The following ALCAM variants were observed in gnomAD, a reference collection of about 807,000 sequenced individuals.
ALCAM encodes the protein activated leukocyte cell adhesion molecule.
In ALCAM, 30 loss-of-function variants were observed where a neutral mutation model predicts 70.9. That is an observed-to-expected ratio of 0.42 (90% confidence interval 0.32 to 0.57). ALCAM has a LOEUF of 0.57. ALCAM is among the 20% of genes least tolerant of loss of function. The probability of loss-of-function intolerance (pLI) is 0.11; values close to 1 mark genes in which losing one functional copy is unlikely to be tolerated. For missense variants in ALCAM, 591 were observed against 695.1 expected, an observed-to-expected ratio of 0.85 and a Z score of 1.68; for synonymous variants, 249 against 242.5, an observed-to-expected ratio of 1.03 and a Z score of -0.25.
At chr3:105,367,667 G>A (rs1208046723) in intron 1 of ALCAM, among the ~76,000 whole-genome samples, 186 bp downstream of exon 1, 1 of 152,212 alleles carries the variant, frequency 6.6e-6, no homozygotes, top group Non-Finnish European at 1.5e-5. Flanking sequence ...GGCTTGGCTG[G>A]TTAGCTCAAG....
chr3:105,540,035 A>C lies in ALCAM; in HGVS notation c.791A>C (p.Asp264Ala). 6.2e-7 allele frequency: 1 copy of C among 1,612,636 alleles called. No individual in the cohort carries two copies. The highest frequency in any genetic ancestry group is 8.5e-7 in the Non-Finnish European group (1 of 1,178,960). Residue 264 changes from aspartate (D) to alanine (A), a missense_variant, in exon 7 of 16, where the codon GAT (aspartate) becomes GCT (alanine). Physicochemically the swap from Asp to Ala is moderately radical, Grantham distance 126. Transcript: ENST00000306107. The stretch of plus-strand genomic sequence containing the variant: ...CCAAAAAATGCCATCAAAGAAGGGG[A>C]TAACATCACTCTTAAATGCTTAGGG... ...LPPKNAIKEGDNITLKCLGNG... is the reference protein window; with the variant it reads ...LPPKNAIKEGANITLKCLGNG...
chr3:105,563,630 G>A (rs1940676102), intron 14 of ALCAM, among the ~76,000 whole-genome samples: 1 of 138,036 alleles, frequency 7.2e-6, no homozygotes, highest in Non-Finnish European at 1.5e-5. Context: ...CTTCCTTGAA[G>A]TCAAGTGACT....
rs572534620 is a variant in ALCAM at position 105,571,623 on chromosome 3, T to C, written c.1665-229T>C. On this transcript the variant is annotated intron_variant, in intron 14 of 15. Transcript: ENST00000306107. ...GTTGTATAGTCTGTTTTCAAAATAA[T>C]TGATTTTTTTTTCTCTTAGCATACA... Among the ~76,000 whole-genome samples the C allele has an allele frequency of 4.6e-5, 7 of 152,264 alleles. No individual in the cohort carries two copies. In the East Asian group the frequency reaches 1.2e-3, roughly 25 times the overall value.
At chr3:105,373,616 C>T (rs565347783) in intron 1 of ALCAM, among the ~76,000 whole-genome samples, 2 of 152,214 alleles carry the variant, frequency 1.3e-5, no homozygotes, top group South Asian at 2.1e-4. Flanking sequence ...TAACTTTTCC[C>T]TTTTCCTTTT....
chr3:105,448,588 C>T (rs1216606517), intron 1 of ALCAM, among the ~76,000 whole-genome samples: 1 of 152,164 alleles, frequency 6.6e-6, no homozygotes, highest in Non-Finnish European at 1.5e-5. Context: ...GACTTCTCTC[C>T]TGGAGAGCTT....
At chr3:105,421,074 A>G (rs527707770) in intron 1 of ALCAM, among the ~76,000 whole-genome samples, 1 of 151,616 alleles carries the variant, frequency 6.6e-6, no homozygotes, top group East Asian at 1.9e-4. Context: ...CTCAGGCAGT[A>G]CTTAAAGCAC....
intron 1 of ALCAM, among the ~76,000 whole-genome samples, chr3:105,436,876 G>A (rs914259293): frequency 6.6e-6 from 1 of 152,134 alleles, no homozygotes; most frequent in African/African-American, 2.4e-5. Context: ...ATTCCCAGAA[G>A]GGTGAATGAC....
intron 1 of ALCAM, among the ~76,000 whole-genome samples, chr3:105,405,917 C>T (rs1278561446): frequency 6.6e-6 from 1 of 152,008 alleles, no homozygotes; most frequent in Non-Finnish European, 1.5e-5. Context: ...TCTCACAGCC[C>T]CATAATGAGA....
At chr3:105,508,607 T>C (rs1939145494) in intron 1 of ALCAM, among the ~76,000 whole-genome samples, 1 of 152,192 alleles carries the variant, frequency 6.6e-6, no homozygotes, top group Non-Finnish European at 1.5e-5. Context: ...ATTTAATCTT[T>C]TATTGTATAT....
At chr3:105,515,630 T>G (rs1939362243) in intron 1 of ALCAM, among the ~76,000 whole-genome samples, 1 of 151,956 alleles carries the variant, frequency 6.6e-6, no homozygotes, top group Non-Finnish European at 1.5e-5. Context: ...TGCTGTCATC[T>G]AATGGGTAGA....
At chr3:105,509,756 G>T (rs1939185097) in intron 1 of ALCAM, among the ~76,000 whole-genome samples, 1 of 151,858 alleles carries the variant, frequency 6.6e-6, no homozygotes, top group East Asian at 1.9e-4. Flanking sequence ...TTTTAATTTT[G>T]TTGCCTGTGC....
chr3:105,430,431 C>T (rs893041083), intron 1 of ALCAM, among the ~76,000 whole-genome samples: 2 of 151,838 alleles, frequency 1.3e-5, no homozygotes, highest in African/African-American at 4.8e-5. Flanking sequence ...GGGTATTGGT[C>T]AGGTATTTAC....
At position 105,552,517 on chromosome 3, in the gene ALCAM, C is replaced by T. The variant is rs765413771; in HGVS notation, c.1596C>T (p.Ile532=). The part of the protein sequence containing the change: ...VNDQAKLIVG[I]VVGLLLAALV... ...ACCAGGCAAAACTAATTGTGGGAAT[C>T]GTTGTTGGTCTCCTCCTTGCTGCCC... The change falls in exon 14 of 16, where the codon ATC becomes ATT. Residue 532 remains isoleucine (I), a synonymous_variant. Coordinates refer to ENST00000306107, the MANE Select transcript of ALCAM (RefSeq NM_001627.4). 2 of 1,611,748 alleles carry T rather than the reference C, an allele frequency of 1.2e-6. No individual in the cohort carries two copies. The highest frequency in any genetic ancestry group is 1.1e-5 in the South Asian group (1 of 91,014).
chr3:105,389,829 A>G (rs549125916), intron 1 of ALCAM, among the ~76,000 whole-genome samples: 1 of 151,250 alleles, frequency 6.6e-6, no homozygotes, highest in East Asian at 2.0e-4. Context: ...AAGTAAGAAC[A>G]TGTGATGTTT....
chr3:105,510,440 G>T (rs1939207228), intron 1 of ALCAM, among the ~76,000 whole-genome samples: 1 of 152,100 alleles, frequency 6.6e-6, no homozygotes, highest in East Asian at 1.9e-4. Context: ...AGTTGGGTAA[G>T]TTATGTTCCC....
At chr3:105,556,933 T>A (rs2152633084) in intron 14 of ALCAM, among the ~76,000 whole-genome samples, 1 of 152,042 alleles carries the variant, frequency 6.6e-6, no homozygotes, top group East Asian at 1.9e-4. Flanking sequence ...ACTGAAATCC[T>A]CAACAATTTA....
chr3:105,548,357 A>G (rs1017732348), intron 11 of ALCAM, among the ~76,000 whole-genome samples: 9 of 151,312 alleles, frequency 5.9e-5, no homozygotes, highest in African/African-American at 2.2e-4. Context: ...TCTTCTCAGT[A>G]TAATCTGTAA....
At chr3:105,394,103 T>G (rs1935889804) in intron 1 of ALCAM, among the ~76,000 whole-genome samples, 1 of 151,992 alleles carries the variant, frequency 6.6e-6, no homozygotes, top group African/African-American at 2.4e-5. Context: ...AGCCAAGTAC[T>G]ATAGTACTTT....
rs542277440 is a variant in ALCAM, at chr3:105,556,798, G to A, written c.1664+4213G>A. Among the ~76,000 whole-genome samples the A allele has an allele frequency of 1.7e-3, 265 of 151,942 alleles. 1 individual carries two copies. Among genetic ancestry groups the A allele is most frequent in the African/African-American group, 6.1e-3 (251 of 41,478 alleles). On this transcript the variant is annotated intron_variant, in intron 14 of 15. Transcript: ENST00000306107. ...AAGCAAATATATGTTCTCAGAAGAG[G>A]GACTCCTCACTGAATAAATTGAAAA... is the stretch of plus-strand genomic sequence containing the variant.
Sources: allele counts gnomAD v4.1 joint callset (sites outside exome capture counted in the v4.1 genomes callset), GRCh38; gene constraint gnomAD v4.1.1; transcripts MANE v1.5; gene names NCBI Gene and HGNC (gene_info 2026-07-23, HGNC 2026-07-21).